Variants in TBC1D23 observed in about 807,000 individuals in gnomAD.
TBC1D23 encodes the protein HCV non-structural protein 4A-transactivated protein 1.
A neutral mutation model predicts 91.4 loss-of-function variants in TBC1D23; 55 were observed. The observed-to-expected ratio is 0.60, with a 90% CI of 0.48 to 0.75. The LOEUF is 0.75. Among genes scored for constraint, TBC1D23 ranks in the 30% least tolerant of loss-of-function variants. The probability of loss-of-function intolerance (pLI) is 0.00; values close to 1 mark genes in which losing one functional copy is unlikely to be tolerated. For missense variants in TBC1D23, 725 were observed against 836.1 expected (o/e 0.87, Z 1.64); for synonymous variants, 289 against 281.0 (o/e 1.03, Z -0.28).
chr3:100,305,818 G>A (rs540454169), intron 12 of TBC1D23, among the ~76,000 whole-genome samples: 2 of 152,268 alleles, frequency 1.3e-5, no homozygotes, highest in African/African-American at 4.8e-5. Context: ...AATAAGTAGT[G>A]TTAAACATGT....
chr3:100,320,720 T>C, intron 17 of TBC1D23, 57 bp from the exon 18 acceptor site: 1 of 1,129,804 alleles, frequency 8.9e-7, no homozygotes, highest in Non-Finnish European at 1.2e-6. Flanking sequence ...ACAACACCTG[T>C]TTTGAATTAA....
intron 1 of TBC1D23, among the ~76,000 whole-genome samples, chr3:100,264,265 T>C (rs886595927): frequency 8.5e-5 from 13 of 152,130 alleles, no homozygotes; most frequent in African/African-American, 3.1e-4. Flanking sequence ...GCCCCATCCA[T>C]CCGGGTGTTC....
Position 100,283,739 on chromosome 3 carries a change from T to C in TBC1D23, c.404T>C (p.Leu135Ser), listed in dbSNP as rs766839267. 1 of 1,613,286 alleles carries C rather than the reference T, an allele frequency of 6.2e-7. No homozygotes were observed. Among genetic ancestry groups the C allele is most frequent in the Non-Finnish European group, 8.5e-7 (1 of 1,179,228 alleles). ...AGCTGGATACATCTACTGAAACCAT[T>C]GGTGCATCTTCAACTGCCACGCAGC... ...SLSWIHLLKP[L>S]VHLQLPRSDL... The change falls in exon 4 of 19, where the codon TTG becomes TCG. Residue 135 changes from leucine to serine, a missense_variant. Coordinates refer to ENST00000394144, the MANE Select transcript of TBC1D23 (RefSeq NM_001199198.3).
At chr3:100,271,271 A>G (rs1241927669) in intron 1 of TBC1D23, among the ~76,000 whole-genome samples, 1 of 152,178 alleles carries the variant, frequency 6.6e-6, no homozygotes, top group Admixed American at 6.5e-5. Flanking sequence ...AAGTTGTTAC[A>G]TATATTGTCA....
At chr3:100,270,518 G>T (rs1275257895) in intron 1 of TBC1D23, among the ~76,000 whole-genome samples, 1 of 152,006 alleles carries the variant, frequency 6.6e-6, no homozygotes, top group East Asian at 1.9e-4. Context: ...ACTTTTTGAT[G>T]GGGAGTAGGT....
At chr3:100,322,295 G>A (rs1332341336) in intron 18 of TBC1D23, among the ~76,000 whole-genome samples, 4 of 151,962 alleles carry the variant, frequency 2.6e-5, no homozygotes, top group East Asian at 3.9e-4. Context: ...GGGTTTCACC[G>A]TGTTAGCCAG....
intron 1 of TBC1D23, 35 bp from the exon 2 acceptor site, chr3:100,279,614 A>G (rs1196613809): frequency 2.2e-6 from 3 of 1,339,450 alleles, no homozygotes; most frequent in South Asian, 2.6e-5. Flanking sequence ...AGTATGAGAT[A>G]AAGTTCATTT....
intron 1 of TBC1D23, among the ~76,000 whole-genome samples, chr3:100,275,540 T>C (rs1258821363): frequency 6.6e-6 from 1 of 152,180 alleles, no homozygotes. Context: ...CAACCAGAAG[T>C]GCTGGGATTA....
intron 3 of TBC1D23, 40 bp from the exon 4 acceptor site, chr3:100,283,567 C>T: frequency 1.4e-6 from 2 of 1,417,292 alleles, no homozygotes; most frequent in Non-Finnish European, 2.0e-6. Context: ...CAGCCCCTGA[C>T]AGGCCCTCAG....
chr3:100,266,331 C>T (rs1293942104), intron 1 of TBC1D23, among the ~76,000 whole-genome samples: 10 of 151,172 alleles, frequency 6.6e-5, no homozygotes, highest in Admixed American at 2.0e-4. Context: ...GTGCAGTGTG[C>T]GATCTTGGTT....
rs770955292 is a variant in TBC1D23 at position 100,324,471 on chromosome 3, CAA to C, written c.*805_*806del. On this transcript the variant is annotated 3_prime_UTR_variant, in exon 19 of 19. Coordinates refer to ENST00000394144, the MANE Select transcript of TBC1D23 (RefSeq NM_001199198.3). Reference sequence around the variant, plus strand: ...GGATTATTTTATTCATATTTTAAAACAAATGTTTAAGCCACATTGATTTATCC... The same window carrying C: ...GGATTATTTTATTCATATTTTAAAACATGTTTAAGCCACATTGATTTATCC... 6.6e-6 allele frequency: 1 copy of C among 152,162 alleles called. No homozygotes were observed. Among genetic ancestry groups the C allele is most frequent in the Non-Finnish European group, 1.5e-5 (1 of 68,002 alleles). The allele number at this position is 152,162 out of a possible 1,614,324, so 9.4% of individuals were successfully genotyped here.
chr3:100,267,289 T>G (rs1439159343), intron 1 of TBC1D23: 2 of 432,776 alleles, frequency 4.6e-6, no homozygotes, highest in African/African-American at 2.1e-5. Context: ...AAATTCTTTC[T>G]TGTAGAAATA....
chr3:100,309,220 C>G (rs142011212), intron 13 of TBC1D23, among the ~76,000 whole-genome samples: 1 of 152,240 alleles, frequency 6.6e-6, no homozygotes, highest in Non-Finnish European at 1.5e-5. Context: ...ACTCGCATCT[C>G]TTACATTTGG....
At chr3:100,262,893 T>C (rs893896924) in intron 1 of TBC1D23, among the ~76,000 whole-genome samples, 4 of 152,180 alleles carry the variant, frequency 2.6e-5, no homozygotes, top group African/African-American at 9.7e-5. Context: ...ACCTTATATT[T>C]CAATTTGGTC....
intron 1 of TBC1D23, among the ~76,000 whole-genome samples, chr3:100,264,214 G>C (rs1400848578): frequency 6.6e-6 from 1 of 152,112 alleles, no homozygotes; most frequent in East Asian, 1.9e-4. Flanking sequence ...ATGTTGCCCA[G>C]GCTGGCCTCA....
At chr3:100,263,972 C>A (rs1299687126) in intron 1 of TBC1D23, among the ~76,000 whole-genome samples, 3 of 152,130 alleles carry the variant, frequency 2.0e-5, no homozygotes, top group Non-Finnish European at 4.4e-5. Flanking sequence ...ATGGAGGAAC[C>A]CTAACATGGT....
In TBC1D23 at chr3:100,303,573, C is replaced by A. The variant is rs144159933; in HGVS notation, c.1264-1273C>A. Among the ~76,000 whole-genome samples, 783 of 152,162 alleles carry A rather than the reference C, an allele frequency of 5.1e-3. 12 individuals are homozygous for A. The highest frequency in any genetic ancestry group is 0.017 in the African/African-American group (717 of 41,506). On this transcript the variant is annotated intron_variant, in intron 11 of 18. Coordinates refer to ENST00000394144, the MANE Select transcript of TBC1D23 (RefSeq NM_001199198.3). ...ATCACTTGAGCCCAGGAGTTCAAGA[C>A]CACCCTGGGCAACATAATGAGACCC...
At chr3:100,261,122 A>C in intron 1 of TBC1D23, 51 bp downstream of exon 1, 28 of 1,557,640 alleles carry the variant, frequency 1.8e-5, no homozygotes, top group African/African-American at 2.7e-5. Flanking sequence ...CTTCCTTCTC[A>C]CCATCTTGCC....
At chr3:100,288,938 G>A (rs902172496) in intron 4 of TBC1D23, among the ~76,000 whole-genome samples, 1 of 152,148 alleles carries the variant, frequency 6.6e-6, no homozygotes, top group Non-Finnish European at 1.5e-5. Context: ...CTCTGGCCCG[G>A]CATGGTGGCT....
Sources: gnomAD v4.1 joint callset for allele counts (sites outside exome capture counted in the v4.1 genomes callset) on GRCh38, gnomAD v4.1.1 for gene constraint, MANE v1.5 for transcripts, NCBI Gene and HGNC (gene_info 2026-07-23, HGNC 2026-07-21) for gene names.